The following CAMKMT variants were observed in gnomAD, a reference collection of about 807,000 sequenced individuals.
The protein encoded by CAMKMT is CaM KMT.
A neutral mutation model predicts 48.0 loss-of-function variants in CAMKMT; 53 were observed. The observed-to-expected ratio is 1.10, with a 90% CI of 0.89 to 1.39. The LOEUF is 1.39. CAMKMT is among the 40% of genes most tolerant of loss of function. The pLI is 0.00. For missense variants in CAMKMT, 428 were observed against 402.7 expected (o/e 1.06, Z -0.54); for synonymous variants, 165 against 152.3 (o/e 1.08, Z -0.61).
In CAMKMT at chr2:44,365,592, C is replaced by T. The variant is rs571116432; in HGVS notation, c.138+3447C>T. The stretch of plus-strand genomic sequence containing the variant: ...CAGAAGAAATAACTCTTTTCCCCAA[C>T]ATCCAAATCATTTCCTCCAAAGGAC... On this transcript the variant is annotated intron_variant, in intron 1 of 10. Transcript: ENST00000378494. Among the ~76,000 whole-genome samples, 22 of 152,310 alleles carry T rather than the reference C, an allele frequency of 1.4e-4. No homozygotes were observed. The South Asian group carries it at 2.7e-3, about 19-fold the overall frequency.
chr2:44,746,158 A>C (rs1342070977), intron 8 of CAMKMT, among the ~76,000 whole-genome samples: 1 of 152,216 alleles, frequency 6.6e-6, no homozygotes, highest in African/African-American at 2.4e-5. Context: ...AGGCCACAGG[A>C]ATATGAAGCA....
rs201993085 is a variant in CAMKMT, at chr2:44,419,994, T to A, written c.376+29689T>A. On this transcript the variant is annotated intron_variant, in intron 3 of 10. Coordinates refer to ENST00000378494, the MANE Select transcript of CAMKMT (RefSeq NM_024766.5). The stretch of plus-strand genomic sequence containing the variant: ...TGTTTCTTTTTTTAGTATTTAGAGC[T>A]TTTTGCCATCTGAAAAATACTCATA... Among the ~76,000 whole-genome samples the A allele has an allele frequency of 7.2e-5, 11 of 152,288 alleles. No homozygotes were observed. The East Asian group carries it at 1.9e-3, about 27-fold the overall frequency.
At chr2:44,366,372 A>C (rs902112317) in intron 1 of CAMKMT, among the ~76,000 whole-genome samples, 1 of 152,192 alleles carries the variant, frequency 6.6e-6, no homozygotes, top group Admixed American at 6.5e-5. Flanking sequence ...ACTGATCTAT[A>C]TCAAGTATTT....
intron 3 of CAMKMT, among the ~76,000 whole-genome samples, chr2:44,678,767 C>G (rs922238940): frequency 1.3e-5 from 2 of 152,098 alleles, no homozygotes; most frequent in Non-Finnish European, 2.9e-5. Context: ...GATAGCCTTC[C>G]TTCTCATCTT....
intron 3 of CAMKMT, among the ~76,000 whole-genome samples, chr2:44,490,267 TTTTCTTTCTTTC>T (rs984715639): frequency 3.9e-5 from 6 of 151,906 alleles, no homozygotes; most frequent in African/African-American, 1.5e-4. Flanking sequence ...TTTCTTGTCT[TTTTCTTTCTTTC>T]TTTCTTTCTT....
At chr2:44,441,701 A>G (rs774476402) in intron 3 of CAMKMT, among the ~76,000 whole-genome samples, 3 of 152,198 alleles carry the variant, frequency 2.0e-5, no homozygotes, top group Admixed American at 6.5e-5. Flanking sequence ...GTCTTCTGCC[A>G]TATCACTCTG....
At chr2:44,563,717 T>C (rs1438796117) in intron 3 of CAMKMT, among the ~76,000 whole-genome samples, 1 of 151,832 alleles carries the variant, frequency 6.6e-6, no homozygotes, top group Non-Finnish European at 1.5e-5. Context: ...AGTGAGAACA[T>C]GCGGTGTTTG....
At chr2:44,631,535 C>T in intron 3 of CAMKMT, 1 of 613,912 alleles carries the variant, frequency 1.6e-6, no homozygotes, top group Non-Finnish European at 2.9e-6. Context: ...ATCTCCTGGA[C>T]TCAAGCAATC....
intron 3 of CAMKMT, among the ~76,000 whole-genome samples, chr2:44,672,009 C>T (rs996864080): frequency 6.6e-6 from 1 of 152,076 alleles, no homozygotes; most frequent in African/African-American, 2.4e-5. Context: ...TATAGAAAAT[C>T]ATGCCAAAAT....
rs182885373 is a variant in CAMKMT, at chr2:44,368,566, A to G, written c.139-4150A>G. ...TAGATCATGCAGATCATACTAAACT[A>G]TGTAAGCCCCTTCCAGTATTATACA... On this transcript the variant is annotated intron_variant, in intron 1 of 10. Coordinates refer to ENST00000378494, the MANE Select transcript of CAMKMT (RefSeq NM_024766.5). Among the ~76,000 whole-genome samples the G allele has an allele frequency of 1.6e-3, 248 of 152,274 alleles. 2 individuals carry two copies. Among genetic ancestry groups the G allele is most frequent in the Non-Finnish European group, 2.6e-3 (174 of 68,018 alleles).
chr2:44,631,608 C>T (rs773303324), intron 3 of CAMKMT: 121 of 505,208 alleles, frequency 2.4e-4, no homozygotes, highest in Non-Finnish European at 3.8e-4. Context: ...GCTGTGTATG[C>T]ATTTCTTGCG....
At chr2:44,666,903 C>T (rs562292968) in intron 3 of CAMKMT, among the ~76,000 whole-genome samples, 17 of 152,298 alleles carry the variant, frequency 1.1e-4, no homozygotes, top group African/African-American at 4.1e-4. Context: ...CTACCACGCC[C>T]AGCTATGTTC....
intron 7 of CAMKMT, among the ~76,000 whole-genome samples, chr2:44,742,113 T>A (rs1249785339): frequency 6.6e-6 from 1 of 152,182 alleles, no homozygotes; most frequent in Non-Finnish European, 1.5e-5. Context: ...TGATGAGGGC[T>A]GGGAAGGCCC....
intron 3 of CAMKMT, among the ~76,000 whole-genome samples, chr2:44,649,253 CT>C (rs1673925520): frequency 6.6e-6 from 1 of 152,090 alleles, no homozygotes; most frequent in East Asian, 1.9e-4. Context: ...GGTTCAGTGA[CT>C]TTTCTCATTC....
intron 3 of CAMKMT, among the ~76,000 whole-genome samples, chr2:44,606,981 C>G (rs1207844652): frequency 6.6e-6 from 1 of 152,142 alleles, no homozygotes; most frequent in East Asian, 1.9e-4. Flanking sequence ...ATTGTTTTGT[C>G]AGTATTAGTA....
At chr2:44,520,317 A>G (rs1042938476) in intron 3 of CAMKMT, among the ~76,000 whole-genome samples, 3 of 151,922 alleles carry the variant, frequency 2.0e-5, no homozygotes, top group East Asian at 1.9e-4. Context: ...TAGAACTACT[A>G]CCCTCGAGGG....
At position 44,368,869 on chromosome 2, in the gene CAMKMT, GTAT is replaced by G. The variant is rs888463260; in HGVS notation, c.139-3833_139-3831del. On this transcript the variant is annotated intron_variant, in intron 1 of 10. Transcript: ENST00000378494. ...AGTTGACAGACTATAATAAGACCCT[GTAT>G]TATTATTATTATTTTTAAACAGAAT... Among the ~76,000 whole-genome samples, 6 of 152,122 alleles carry G rather than the reference GTAT, an allele frequency of 3.9e-5. No homozygotes were observed. In the East Asian group the frequency reaches 1.2e-3, roughly 29 times the overall value.
intron 3 of CAMKMT, among the ~76,000 whole-genome samples, chr2:44,512,210 C>CA (rs1227193456): frequency 1.3e-5 from 2 of 151,990 alleles, no homozygotes; most frequent in African/African-American, 4.8e-5. Flanking sequence ...GTACACAAGA[C>CA]AAAAAAGGGG....
At chr2:44,398,594 A>G (rs564501003) in intron 3 of CAMKMT, among the ~76,000 whole-genome samples, 4 of 111,326 alleles carry the variant, frequency 3.6e-5, no homozygotes, top group East Asian at 2.4e-4. Flanking sequence ...AGAAGTGCTG[A>G]TTTTTGTAAC....
Sources: allele counts gnomAD v4.1 joint callset (sites outside exome capture counted in the v4.1 genomes callset), GRCh38; gene constraint gnomAD v4.1.1; transcripts MANE v1.5; gene names NCBI Gene and HGNC (gene_info 2026-07-23, HGNC 2026-07-21).